CEMIP2: variants seen among roughly 807,000 people sequenced by gnomAD.
CEMIP2 encodes the protein cell migration inducing hyaluronidase 2, also known as cell surface hyaluronidase CEMIP2.
CEMIP2 carries 79 observed loss-of-function variants against 146.9 expected under a neutral mutation model. The ratio of observed to expected loss-of-function variants is 0.54; its 90% CI spans 0.45 to 0.65. The LOEUF is 0.65. Ranked by LOEUF, CEMIP2 falls within the 30% of genes least tolerant of loss-of-function variation. CEMIP2 has a pLI of 0.00. For missense variants in CEMIP2, 1,596 were observed against 1,696.2 expected (o/e 0.94, Z 1.04); for synonymous variants, 601 against 606.3 (o/e 0.99, Z 0.13).
chr9:71,756,238 G>GTATATA (rs10546089), intron 1 of CEMIP2, among the ~76,000 whole-genome samples: 2 of 138,600 alleles, frequency 1.4e-5, no homozygotes, highest in South Asian at 2.4e-4. Flanking sequence ...GTATATAGGT[G>GTATATA]TATATATATA....
At chr9:71,731,264 ATAGT>A (rs1372692854) in intron 7 of CEMIP2, among the ~76,000 whole-genome samples, 1 of 152,190 alleles carries the variant, frequency 6.6e-6, no homozygotes, top group Non-Finnish European at 1.5e-5. Context: ...AGTCTGATAA[ATAGT>A]TATTTATTTC....
intron 1 of CEMIP2, among the ~76,000 whole-genome samples, chr9:71,750,677 C>T (rs975129187): frequency 4.0e-5 from 6 of 151,598 alleles, no homozygotes; most frequent in African/African-American, 1.5e-4. Context: ...GAACTCCCAA[C>T]CTCAGGTGAT....
intron 11 of CEMIP2, among the ~76,000 whole-genome samples, chr9:71,724,756 C>G (rs1823333288): frequency 6.6e-6 from 1 of 152,130 alleles, no homozygotes; most frequent in Admixed American, 6.5e-5. Context: ...TATTCTTAAG[C>G]AATATTTCAC....
intron 15 of CEMIP2, 110 bp downstream of exon 15, chr9:71,714,824 A>T: frequency 9.4e-7 from 1 of 1,064,108 alleles, no homozygotes; most frequent in Non-Finnish European, 1.3e-6. Context: ...ATAGGAAAAG[A>T]GTCTCATGGT....
chr9:71,685,640 C>T, intron 23 of CEMIP2, 103 bp downstream of exon 23: 2 of 986,026 alleles, frequency 2.0e-6, no homozygotes, highest in South Asian at 1.5e-5. Flanking sequence ...ATACCCACTC[C>T]AGCAAACAAG....
At chr9:71,712,062 A>G in intron 16 of CEMIP2, 21 bp downstream of exon 16, 1 of 1,608,368 alleles carries the variant, frequency 6.2e-7, no homozygotes, top group Non-Finnish European at 8.5e-7. Context: ...TCACTACGTA[A>G]GAACTACAGA....
intron 1 of CEMIP2, among the ~76,000 whole-genome samples, chr9:71,755,595 TA>T (rs1468758976): frequency 1.3e-5 from 2 of 152,014 alleles, no homozygotes; most frequent in Non-Finnish European, 2.9e-5. Context: ...ATGATTTTAA[TA>T]AAATTGAGCT....
intron 4 of CEMIP2, among the ~76,000 whole-genome samples, chr9:71,742,730 T>C (rs192770090): frequency 2.8e-3 from 424 of 152,306 alleles, no homozygotes; most frequent in Non-Finnish European, 4.7e-3. Context: ...ACAAAGTAGG[T>C]ATCTAACTTA....
At chr9:71,766,488 A>G (rs1824801625) in intron 1 of CEMIP2, among the ~76,000 whole-genome samples, 1 of 152,186 alleles carries the variant, frequency 6.6e-6, no homozygotes, top group Non-Finnish European at 1.5e-5. Flanking sequence ...ACAAGACTAC[A>G]TTACCCTCCA....
intron 1 of CEMIP2, among the ~76,000 whole-genome samples, chr9:71,761,773 T>C (rs550039903): frequency 6.6e-6 from 1 of 151,774 alleles, no homozygotes; most frequent in South Asian, 2.1e-4. Flanking sequence ...GTAGAAAGAG[T>C]AGGGAGACAA....
chr9:71,755,023 C>A (rs560921879), intron 1 of CEMIP2, among the ~76,000 whole-genome samples: 1 of 152,078 alleles, frequency 6.6e-6, no homozygotes, highest in East Asian at 1.9e-4. Context: ...AAATTAAATT[C>A]TTCTCTTGGG....
intron 5 of CEMIP2, among the ~76,000 whole-genome samples, chr9:71,736,345 C>T (rs1302103596): frequency 6.6e-6 from 1 of 152,136 alleles, no homozygotes; most frequent in Non-Finnish European, 1.5e-5. Flanking sequence ...TGCTCACCTC[C>T]TTGGAAGCTG....
At chr9:71,706,377 T>C (rs1822740198) in intron 17 of CEMIP2, among the ~76,000 whole-genome samples, 2 of 152,214 alleles carry the variant, frequency 1.3e-5, no homozygotes, top group South Asian at 2.1e-4. Flanking sequence ...GCTGCAGAAC[T>C]GGGCTTCTGG....
Position 71,730,693 on chromosome 9 carries a change from G to A in CEMIP2, c.1773+12C>T, listed in dbSNP as rs771343910. 1.7e-5 allele frequency: 27 copies of A among 1,613,390 alleles called. No individual in the cohort carries two copies. Among genetic ancestry groups the A allele is most frequent in the South Asian group, 1.4e-4 (13 of 91,054 alleles). On this transcript the variant is annotated intron_variant, in intron 8 of 23. Coordinates refer to ENST00000377044, the MANE Select transcript of CEMIP2 (RefSeq NM_013390.3). ...TCAATAATATGGGTTGACCTAATGC[G>A]AGGCTACTTACTAGCAAGCCATTTG...
intron 16 of CEMIP2, among the ~76,000 whole-genome samples, chr9:71,709,921 C>A (rs1370711204): frequency 1.3e-5 from 2 of 152,128 alleles, no homozygotes; most frequent in African/African-American, 2.4e-5. Context: ...AATAAAAAAT[C>A]TATGATAAGT....
chr9:71,756,435 T>C (rs1039496079), intron 1 of CEMIP2, among the ~76,000 whole-genome samples: 3 of 151,474 alleles, frequency 2.0e-5, no homozygotes, highest in African/African-American at 7.3e-5. Flanking sequence ...TGATTTTGTC[T>C]AAGCATACTC....
At chr9:71,747,131 G>GA (rs1418317892) in intron 2 of CEMIP2, among the ~76,000 whole-genome samples, 1 of 152,130 alleles carries the variant, frequency 6.6e-6, no homozygotes, top group Non-Finnish European at 1.5e-5. Context: ...TTTAATGTAT[G>GA]AAAACTTTAA....
intron 10 of CEMIP2, among the ~76,000 whole-genome samples, chr9:71,728,892 C>G (rs776906786): frequency 6.6e-6 from 1 of 151,634 alleles, no homozygotes; most frequent in Non-Finnish European, 1.5e-5. Flanking sequence ...AGTACAGTGG[C>G]GCAATCTTGG....
chr9:71,706,129 T>C (rs1822728914), intron 17 of CEMIP2, among the ~76,000 whole-genome samples: 1 of 151,368 alleles, frequency 6.6e-6, no homozygotes, highest in African/African-American at 2.4e-5. Context: ...CTTGGGAGGC[T>C]GAGGCAGGAG....
Sources: allele counts gnomAD v4.1 joint callset (sites outside exome capture counted in the v4.1 genomes callset), GRCh38; gene constraint gnomAD v4.1.1; transcripts MANE v1.5; gene names NCBI Gene and HGNC (gene_info 2026-07-23, HGNC 2026-07-21).